The following ASCC2 variants were observed in gnomAD, a reference collection of about 807,000 sequenced individuals.
The protein encoded by ASCC2 is ASC-1 complex subunit P100.
A neutral mutation model predicts 93.5 loss-of-function variants in ASCC2; 42 were observed. The observed-to-expected ratio is 0.45, with a 90% CI of 0.35 to 0.58. The LOEUF (loss-of-function observed/expected upper bound fraction) is 0.58, where lower values mean the gene tolerates loss of function less well. Among genes scored for constraint, ASCC2 ranks in the 20% least tolerant of loss-of-function variants. ASCC2 has a pLI of 0.00. For synonymous variants in ASCC2, 364 were observed against 384.2 expected, an observed-to-expected ratio of 0.95 and a Z score of 0.62; for missense variants, 859 against 977.6, an observed-to-expected ratio of 0.88 and a Z score of 1.62.
intron 2 of ASCC2, among the ~76,000 whole-genome samples, chr22:29,830,581 C>T (rs2063010717): frequency 6.6e-6 from 1 of 152,238 alleles, no homozygotes; most frequent in African/African-American, 2.4e-5. Flanking sequence ...AGGCCAAAGC[C>T]TCCCTGCCCC....
At position 29,792,447 on chromosome 22, in the gene ASCC2, C is replaced by T. The variant is rs553563192; in HGVS notation, c.2008G>A (p.Glu670Lys). The change falls in exon 18 of 20, where the codon GAG becomes AAG. Residue 670 changes from glutamate to lysine, a missense_variant. Transcript: ENST00000307790. ...CAGGGAGGTACCTTGGGAGCCTCCT[C>T]GTCAGCATCGTCTTCCTCATCGTCG... is the stretch of plus-strand genomic sequence containing the variant. ...DDDDEEDDAD[E>K]EAPKPDHFVQ... 3.8e-5 allele frequency: 61 copies of T among 1,613,936 alleles called. 1 individual carries two copies. The African/African-American group carries it at 7.5e-4, about 20-fold the overall frequency.
At chr22:29,817,351 C>T (rs551995606) in intron 5 of ASCC2, among the ~76,000 whole-genome samples, 1 of 152,128 alleles carries the variant, frequency 6.6e-6, no homozygotes, top group Non-Finnish European at 1.5e-5. Flanking sequence ...AACTCCTGAC[C>T]ATGGCACAAA....
chr22:29,837,158 C>T (rs2063900786), intron 1 of ASCC2, among the ~76,000 whole-genome samples: 2 of 151,914 alleles, frequency 1.3e-5, no homozygotes, highest in South Asian at 2.1e-4. Flanking sequence ...GGGCTGGGCG[C>T]GATGGCTCAC....
chr22:29,815,491 C>T (rs891215608), intron 6 of ASCC2, among the ~76,000 whole-genome samples: 3 of 151,908 alleles, frequency 2.0e-5, no homozygotes, highest in Non-Finnish European at 4.4e-5. Context: ...AACGGTCCAT[C>T]GTAGGCACTG....
In ASCC2 at chr22:29,806,784, C is replaced by T. The variant is rs748634418; in HGVS notation, c.1016+13G>A. On this transcript the variant is annotated intron_variant, in intron 10 of 19. Coordinates refer to ENST00000307790, the MANE Select transcript of ASCC2 (RefSeq NM_032204.5). ...GAGACTCTTCCACCAGGAGGCAATT[C>T]GTGAGGGCTTACCTGCTTTCTAGGA... 10 of 1,596,804 alleles carry T rather than the reference C, an allele frequency of 6.3e-6. No individual in the cohort carries two copies. Among genetic ancestry groups the T allele is most frequent in the South Asian group, 3.3e-5 (3 of 90,632 alleles).
At position 29,825,988 on chromosome 22, in the gene ASCC2, T is replaced by C. The variant is rs2062253415; in HGVS notation, c.82-208A>G. 1.9e-6 allele frequency: 1 copy of C among 518,304 alleles called. No individual in the cohort carries two copies. Among genetic ancestry groups the C allele is most frequent in the Admixed American group, 3.7e-5 (1 of 26,794 alleles). 32.1% of individuals were successfully genotyped at this position (518,304 alleles called of 1,614,324 possible). The stretch of plus-strand genomic sequence containing the variant: ...GTAATTAAAATCCATGTTTTCGGAG[T>C]GGATTTAATGACACGGGGAAAGGTT... On this transcript the variant is annotated intron_variant, in intron 2 of 19. Coordinates refer to ENST00000307790, the MANE Select transcript of ASCC2 (RefSeq NM_032204.5). This position sits in a 1 kb window ranked among gnomAD's most constrained non-coding sequence, Gnocchi z 4.9.
chr22:29,799,944 C>T (rs2147606741), intron 15 of ASCC2, among the ~76,000 whole-genome samples: 1 of 152,264 alleles, frequency 6.6e-6, no homozygotes, highest in Admixed American at 6.5e-5. Context: ...TGTGCCAGCA[C>T]ACCCGGCTAA....
chr22:29,821,284 A>C (rs1276746131), intron 5 of ASCC2, among the ~76,000 whole-genome samples: 1 of 152,194 alleles, frequency 6.6e-6, no homozygotes, highest in Non-Finnish European at 1.5e-5. Context: ...TTTGCAACCC[A>C]GAAGAGCCCT....
chr22:29,790,390 T>C, intron 19 of ASCC2, 79 bp downstream of exon 19: 2 of 1,457,948 alleles, frequency 1.4e-6, no homozygotes, highest in African/African-American at 2.8e-5. Flanking sequence ...GGTGTACGTG[T>C]GGGTTTCCTG....
rs1035174704 is a variant in ASCC2, at chr22:29,808,861, G to C, written c.834-676C>G. Among the ~76,000 whole-genome samples, 7 of 151,390 alleles carry C rather than the reference G, an allele frequency of 4.6e-5. No homozygotes were observed. The South Asian group carries it at 6.2e-4, about 13-fold the overall frequency. On this transcript the variant is annotated intron_variant, in intron 8 of 19. Transcript: ENST00000307790. The stretch of plus-strand genomic sequence containing the variant: ...TGGCTGGGTGCGGTGGCTCACGCCT[G>C]TAATCCTAGCACTCTGGGAGACCGA...
chr22:29,827,467 A>G, intron 2 of ASCC2: 1 of 416,268 alleles, frequency 2.4e-6, no homozygotes. Flanking sequence ...ATGCCTTCCT[A>G]GTGCCTTACG....
rs138945329 is a variant in ASCC2 at position 29,836,709 on chromosome 22, C to T, written c.-18+1469G>A. 2.2e-3 allele frequency among the ~76,000 whole-genome samples: 342 copies of T among 152,226 alleles called. 1 individual carries two copies. The highest frequency in any genetic ancestry group is 3.8e-3 in the Non-Finnish European group (260 of 68,020). On this transcript the variant is annotated intron_variant, in intron 1 of 19. Transcript: ENST00000307790. The stretch of plus-strand genomic sequence containing the variant: ...CCGAGTAGCTGGGAATACAGGCATA[C>T]GCCTGGCTAATTTTTGTATTTTTAG...
In ASCC2 at chr22:29,825,829, G is replaced by A; in HGVS notation, c.82-49C>T. The A allele has an allele frequency of 6.4e-7, 1 of 1,559,052 alleles. No individual in the cohort carries two copies. Among genetic ancestry groups the A allele is most frequent in the Non-Finnish European group, 8.7e-7 (1 of 1,150,468 alleles). The stretch of plus-strand genomic sequence containing the variant: ...TAACGTGGCAGAGGTTAGTCAGCGA[G>A]GGCCCATTTGCCAACCCACAGCAAT... On this transcript the variant is annotated intron_variant, in intron 2 of 19. Transcript: ENST00000307790. This position sits in a 1 kb window ranked among gnomAD's most constrained non-coding sequence, Gnocchi z 4.9.
At chr22:29,802,252 C>T (rs769537601) in intron 13 of ASCC2, 44 bp from the exon 14 acceptor site, 36 of 1,596,992 alleles carry the variant, frequency 2.3e-5, no homozygotes, top group South Asian at 8.9e-5. Flanking sequence ...CTAAGTGGGC[C>T]GGTGATAGGG....
intron 12 of ASCC2, among the ~76,000 whole-genome samples, chr22:29,805,890 C>T (rs985634471): frequency 6.6e-6 from 1 of 151,870 alleles, no homozygotes; most frequent in Admixed American, 6.6e-5. Flanking sequence ...AATCTTCCCA[C>T]GTGACACTCT....
intron 9 of ASCC2, among the ~76,000 whole-genome samples, chr22:29,807,617 T>C (rs1392348767): frequency 6.6e-6 from 1 of 152,214 alleles, no homozygotes; most frequent in Admixed American, 6.5e-5. Flanking sequence ...ACTCTAGTTG[T>C]TGCAGTCTTT....
At chr22:29,794,166 T>C (rs1470432320) in intron 15 of ASCC2, among the ~76,000 whole-genome samples, 2 of 150,818 alleles carry the variant, frequency 1.3e-5, no homozygotes, top group African/African-American at 4.9e-5. Flanking sequence ...ATTACAGGTG[T>C]GAGCCGCTGC....
rs765344293 is a variant in ASCC2, at chr22:29,801,973, CCTCCCACCTGTCT to C, written c.1568+8_1568+20del. On this transcript the variant is annotated splice_region_variant and intron_variant, in intron 14 of 19. Transcript: ENST00000307790. ...GAGGCAGCCTGGGCAGCGGGAGCCT[CCTCCCACCTGTCT>C]CTCCCACCTGTCTAGGTTGCGGTCC... is the stretch of plus-strand genomic sequence containing the variant. 6.4e-6 allele frequency: 10 copies of C among 1,563,026 alleles called. No homozygotes were observed. The East Asian group carries it at 9.5e-5, about 15-fold the overall frequency.
chr22:29,806,434 T>C (rs2059686563), intron 11 of ASCC2, 51 bp downstream of exon 11: 4 of 1,596,744 alleles, frequency 2.5e-6, no homozygotes, highest in Non-Finnish European at 3.4e-6. Flanking sequence ...GTAAGGCCTC[T>C]TGGGGACCTG....
Sources: allele counts gnomAD v4.1 joint callset (sites outside exome capture counted in the v4.1 genomes callset), GRCh38; gene constraint gnomAD v4.1.1; non-coding constraint Gnocchi (gnomAD v3.1); transcripts MANE v1.5; gene names NCBI Gene and HGNC (gene_info 2026-07-23, HGNC 2026-07-21).